SH3BGR: variants seen among roughly 807,000 people sequenced by gnomAD.
SH3BGR encodes the protein SH3 domain-binding glutamic acid-rich protein.
SH3BGR carries 29 observed loss-of-function variants against 24.5 expected under a neutral mutation model. That is an observed-to-expected ratio of 1.18 (90% CI 0.88 to 1.61). The LOEUF is 1.61. SH3BGR is among the 40% of genes most tolerant of loss of function. SH3BGR has a pLI of 0.00. For synonymous variants in SH3BGR, 55 were observed against 65.7 expected, an observed-to-expected ratio of 0.84 and a Z score of 0.79; for missense variants, 162 against 205.8, an observed-to-expected ratio of 0.79 and a Z score of 1.30.
intron 2 of SH3BGR, among the ~76,000 whole-genome samples, chr21:39,472,889 CAT>C (rs150497005): frequency 0.036 from 5,435 of 152,198 alleles, 115 homozygotes; most frequent in Middle Eastern, 0.071. Flanking sequence ...GTAAAGGTGT[CAT>C]GTGTGTGTCA....
chr21:39,499,087 A>G (rs2078446216), intron 3 of SH3BGR, among the ~76,000 whole-genome samples: 2 of 152,206 alleles, frequency 1.3e-5, no homozygotes, highest in Admixed American at 6.5e-5. Context: ...CTCACTCACC[A>G]TCATGAGGAC....
chr21:39,510,194 G>C (rs888415886), intron 5 of SH3BGR, among the ~76,000 whole-genome samples: 2 of 127,050 alleles, frequency 1.6e-5, no homozygotes, highest in African/African-American at 7.1e-5. Context: ...CGCCCGCCTC[G>C]GCCTCCCAAA....
At chr21:39,512,861 G>GT (rs1424467874) in intron 6 of SH3BGR, among the ~76,000 whole-genome samples, 3 of 152,014 alleles carry the variant, frequency 2.0e-5, no homozygotes, top group Non-Finnish European at 2.9e-5. Flanking sequence ...AAAAATATCT[G>GT]TTTTTTCCTG....
intron 3 of SH3BGR, chr21:39,491,876 T>G (rs1218948451): frequency 6.3e-6 from 1 of 157,504 alleles, no homozygotes; most frequent in East Asian, 1.8e-4. Context: ...GGTATGACCT[T>G]TGTTCCTTCT....
intron 1 of SH3BGR, among the ~76,000 whole-genome samples, chr21:39,446,403 C>T (rs933518029): frequency 6.6e-6 from 1 of 152,094 alleles, no homozygotes; most frequent in African/African-American, 2.4e-5. Flanking sequence ...AATATCCTTG[C>T]AGATGAATCT....
upstream of SH3BGR, among the ~76,000 whole-genome samples, chr21:39,447,567 C>T (rs1169120378): frequency 6.6e-6 from 1 of 151,920 alleles, no homozygotes; most frequent in Non-Finnish European, 1.5e-5. Flanking sequence ...AGGTGTGAGT[C>T]ACAACACCCG....
intron 3 of SH3BGR, chr21:39,488,512 A>T: frequency 2.8e-6 from 1 of 356,964 alleles, no homozygotes; most frequent in Non-Finnish European, 4.6e-6. Context: ...ATGAATGTGA[A>T]GGTGCTGGAC....
chr21:39,509,124 T>C, intron 5 of SH3BGR, 97 bp downstream of exon 5: 1 of 957,946 alleles, frequency 1.0e-6, no homozygotes. Flanking sequence ...CTTAATAACA[T>C]AAGAGAGCGA....
intron 3 of SH3BGR, among the ~76,000 whole-genome samples, chr21:39,479,030 TTGTTTTCCTCAGA>T (rs1028854256): frequency 2.0e-5 from 3 of 152,228 alleles, no homozygotes; most frequent in African/African-American, 7.2e-5. Flanking sequence ...TTTATGTAAG[TTGTTTTCCTCAGA>T]TGTTTGGTGA....
chr21:39,497,488 A>T (rs1321167847), intron 3 of SH3BGR, among the ~76,000 whole-genome samples: 2 of 151,978 alleles, frequency 1.3e-5, no homozygotes, highest in African/African-American at 4.8e-5. Context: ...TAAAAAAAAT[A>T]CAACAAAATC....
chr21:39,461,962 C>T (rs983126214), intron 1 of SH3BGR, among the ~76,000 whole-genome samples: 15 of 152,064 alleles, frequency 9.9e-5, no homozygotes, highest in Admixed American at 8.5e-4. Context: ...GATTCTCCTG[C>T]CTCAGCCTCT....
intron 3 of SH3BGR, among the ~76,000 whole-genome samples, chr21:39,489,277 A>G (rs890449003): frequency 6.6e-6 from 1 of 152,230 alleles, no homozygotes; most frequent in Non-Finnish European, 1.5e-5. Flanking sequence ...ACTGCAGGAA[A>G]ACCAGAAAGG....
Position 39,508,003 on chromosome 21 carries a change from T to C in SH3BGR, c.406-995T>C, listed in dbSNP as rs190439426. Among the ~76,000 whole-genome samples the C allele has an allele frequency of 3.5e-3, 537 of 152,336 alleles. 1 individual carries two copies. The highest frequency in any genetic ancestry group is 0.012 in the African/African-American group (513 of 41,564). On this transcript the variant is annotated intron_variant, in intron 4 of 6. Coordinates refer to ENST00000333634, the MANE Select transcript of SH3BGR (RefSeq NM_007341.3). ...ACAAAGACACTTAATTAGGAATCAG[T>C]AGACTTGCAGTGAGTCCTGATTGTG...
In SH3BGR at chr21:39,481,105, T is replaced by A. The variant is rs551054685; in HGVS notation, c.312+5890T>A. On this transcript the variant is annotated intron_variant, in intron 3 of 6. Coordinates refer to ENST00000333634, the MANE Select transcript of SH3BGR (RefSeq NM_007341.3). ...TGTTATATTGTATGAAATCTGCTTT[T>A]TAAAAAGACACCATGGACATTTTAT... 7.3e-4 allele frequency among the ~76,000 whole-genome samples: 111 copies of A among 152,344 alleles called. 2 individuals carry two copies. In the South Asian group the frequency reaches 0.022, roughly 31 times the overall value.
At chr21:39,510,454 ACTGTAGCTACACACACACACACACACC>A (rs1569178164) in intron 5 of SH3BGR, among the ~76,000 whole-genome samples, 102 of 86,136 alleles carry the variant, frequency 1.2e-3, no homozygotes, top group African/African-American at 4.5e-3. Flanking sequence ...ACACACACAC[ACTGTAGCTACACACACACACACACACC>A]CCATCAATTT....
chr21:39,468,732 C>G (rs544613619), intron 2 of SH3BGR, among the ~76,000 whole-genome samples: 1 of 152,294 alleles, frequency 6.6e-6, no homozygotes, highest in South Asian at 2.1e-4. Context: ...AATCACTATG[C>G]CTAGACCTTA....
At chr21:39,450,861 G>A (rs2077565336), upstream of SH3BGR, among the ~76,000 whole-genome samples, 1 of 152,122 alleles carries the variant, frequency 6.6e-6, no homozygotes, top group Admixed American at 6.5e-5. Flanking sequence ...TGCCGTGGGT[G>A]TGATCATAGC....
chr21:39,494,488 A>C (rs1011690565), intron 3 of SH3BGR, among the ~76,000 whole-genome samples: 4 of 152,006 alleles, frequency 2.6e-5, no homozygotes, highest in African/African-American at 9.7e-5. Context: ...ACCGGATATA[A>C]GATTCTTAGT....
At chr21:39,475,039 A>G (rs901796148) in intron 2 of SH3BGR, 96 bp from the exon 3 acceptor site, 37 of 728,960 alleles carry the variant, frequency 5.1e-5, no homozygotes, top group Non-Finnish European at 8.1e-5. Context: ...GTGAGCTCCT[A>G]ACTTAAGGAC....
Sources: gnomAD v4.1 joint callset for allele counts (sites outside exome capture counted in the v4.1 genomes callset) on GRCh38, gnomAD v4.1.1 for gene constraint, MANE v1.5 for transcripts, NCBI Gene and HGNC (gene_info 2026-07-23, HGNC 2026-07-21) for gene names.